The following ABCA3 variants were observed in gnomAD, a reference collection of about 807,000 sequenced individuals.
The protein encoded by ABCA3 is phospholipid-transporting ATPase ABCA3.
A neutral mutation model predicts 172.8 loss-of-function variants in ABCA3; 88 were observed. The observed-to-expected ratio is 0.51, with a 90% CI of 0.43 to 0.61. ABCA3 has a LOEUF of 0.61. ABCA3 is among the 20% of genes least tolerant of loss of function. ABCA3 has a pLI of 0.00. For synonymous variants in ABCA3, 1,066 were observed against 983.8 expected, an observed-to-expected ratio of 1.08 and a Z score of -1.56; for missense variants, 2,164 against 2,301.0, an observed-to-expected ratio of 0.94 and a Z score of 1.22.
rs962819009 is a variant in ABCA3, at chr16:2,329,715, A to C, written c.-399T>G. 1 of 152,480 alleles carries C rather than the reference A, an allele frequency of 6.6e-6. No individual in the cohort carries two copies. Among genetic ancestry groups the C allele is most frequent in the Non-Finnish European group, 1.5e-5 (1 of 68,314 alleles). 9.4% of individuals were successfully genotyped at this position (152,480 alleles called of 1,614,324 possible). A position where few individuals can be genotyped will look rare whatever the true frequency, so the allele number is the denominator to read the frequency against. ...GACTACTGGGGAACTGGCCAGGAGG[A>C]GGCGGCTCCGCACAGAGGGCTCCGG... is the stretch of plus-strand genomic sequence containing the variant. On this transcript the variant is annotated 5_prime_UTR_variant, in exon 2 of 33. Transcript: ENST00000301732.
At chr16:2,314,804 G>A (rs561694342) in intron 10 of ABCA3, among the ~76,000 whole-genome samples, 16 of 150,706 alleles carry the variant, frequency 1.1e-4, no homozygotes, top group South Asian at 2.1e-4. Context: ...TCGAACTCCC[G>A]ACCTCAGATG....
At position 2,323,587 on chromosome 16, in the gene ABCA3, G is replaced by A; in HGVS notation, c.549C>T (p.Ser183=). Residue 183 remains serine (S), a synonymous_variant, in exon 7 of 33, where the codon TCC becomes TCT. Coordinates refer to ENST00000301732, the MANE Select transcript of ABCA3 (RefSeq NM_001089.3). ...LKETEGWHTT[S]LFPLFPNPGP... is the part of the protein sequence containing the mutation. ...CTGGGTTTGGGAAAAGCGGGAAAAG[G>A]GAAGTAGTGTGCCAGCCTTCTGTCT... The A allele has an allele frequency of 6.2e-7, 1 of 1,614,166 alleles. No individual in the cohort carries two copies. The highest frequency in any genetic ancestry group is 8.5e-7 in the Non-Finnish European group (1 of 1,180,026).
Position 2,308,615 on chromosome 16 carries a change from C to A in ABCA3, c.1120G>T (p.Ala374Ser). 1 of 1,613,980 alleles carries A rather than the reference C, an allele frequency of 6.2e-7. No homozygotes were observed. Among genetic ancestry groups the A allele is most frequent in the Non-Finnish European group, 8.5e-7 (1 of 1,179,912 alleles). ...TAGAGGAAGCCTCCGAAGGCTGCTG[C>A]CATGTTGGCTGCAGGTGTTGGAAGA... The part of the protein sequence containing the change: ...VSTFFSKANM[A>S]AAFGGFLYFF... The change falls in exon 11 of 33, where the codon GCA (alanine) becomes TCA (serine). Residue 374 changes from alanine (A) to serine (S), a missense_variant. This residue lies in a region of ABCA3 where 1,343 missense variants were observed against 1,369.6 expected (regional missense o/e 0.98). Transcript: ENST00000301732.
intron 20 of ABCA3, 35 bp downstream of exon 20, chr16:2,289,399 T>TCCCCCCCCCCCC: frequency 1.6e-5 from 24 of 1,544,288 alleles, no homozygotes; most frequent in Admixed American, 1.9e-5. Context: ...TGCTCGCCCT[T>TCCCCCCCCCCCC]CCCCCGCCAC....
chr16:2,297,248 GC>G lies in ABCA3; in HGVS notation c.2263+80del. 1 of 1,487,786 alleles carries G rather than the reference GC, an allele frequency of 6.7e-7. No homozygotes were observed. Among genetic ancestry groups the G allele is most frequent in the Non-Finnish European group, 9.2e-7 (1 of 1,085,984 alleles). 92.2% of individuals were successfully genotyped at this position (1,487,786 alleles called of 1,614,324 possible). On this transcript the variant is annotated intron_variant, in intron 17 of 32. Transcript: ENST00000301732. The surrounding 1 kb of genome is among the most constrained non-coding windows in gnomAD (Gnocchi z 5.6). ...AAGGCCACCCCTGCCTGATCTGAGG[GC>G]CCTTCATGAAGGTAGCAGCCATTCC...
At chr16:2,303,526 T>TC (rs1428151476) in intron 12 of ABCA3, among the ~76,000 whole-genome samples, 5 of 152,028 alleles carry the variant, frequency 3.3e-5, no homozygotes, top group African/African-American at 1.2e-4. Context: ...CACCTTGGCC[T>TC]CCCAAAGAGC....
intron 10 of ABCA3, among the ~76,000 whole-genome samples, chr16:2,310,790 G>A (rs918529948): frequency 6.6e-6 from 1 of 151,952 alleles, no homozygotes; most frequent in East Asian, 1.9e-4. Flanking sequence ...CAAAGTGCTG[G>A]GATTAGAGAT....
chr16:2,290,204 TCACTGGATTCTCCCA>T (rs2093669903), intron 19 of ABCA3, among the ~76,000 whole-genome samples: 1 of 152,150 alleles, frequency 6.6e-6, no homozygotes, highest in Admixed American at 6.6e-5. Flanking sequence ...CCCTTCTCCC[TCACTGGATTCTCCCA>T]GTCCCACTCA....
chr16:2,285,653 G>T lies in ABCA3; in HGVS notation c.3279-7C>A. 3.2e-6 allele frequency: 5 copies of T among 1,551,720 alleles called. No homozygotes were observed. The highest frequency in any genetic ancestry group is 4.4e-6 in the Non-Finnish European group (5 of 1,147,124). On this transcript the variant is annotated splice_polypyrimidine_tract_variant and splice_region_variant and intron_variant, in intron 22 of 32. Coordinates refer to ENST00000301732, the MANE Select transcript of ABCA3 (RefSeq NM_001089.3). The surrounding 1 kb of genome is among the most constrained non-coding windows in gnomAD (Gnocchi z 4.7). ...GTCGAATCCCTTCCGGCCCCTGCGG[G>T]GGACAGAGAAGGTCAGGGACGGAGC...
chr16:2,336,137 C>G (rs1252463109), intron 1 of ABCA3, among the ~76,000 whole-genome samples: 1 of 152,134 alleles, frequency 6.6e-6, no homozygotes, highest in African/African-American at 2.4e-5. Flanking sequence ...TTTGTGAAAA[C>G]AGACGTTTGA....
intron 1 of ABCA3, among the ~76,000 whole-genome samples, chr16:2,335,131 A>C (rs997909539): frequency 6.6e-6 from 1 of 151,960 alleles, no homozygotes; most frequent in Admixed American, 6.6e-5. Context: ...GCCCGGCCCT[A>C]AATATTATTA....
intron 12 of ABCA3, among the ~76,000 whole-genome samples, chr16:2,303,264 C>A (rs1044062244): frequency 7.1e-6 from 1 of 139,964 alleles, no homozygotes; most frequent in Non-Finnish European, 1.6e-5. Flanking sequence ...TTTTTTCTCT[C>A]TTTTTTTTTT....
chr16:2,322,602 T>C (rs1450268703), intron 7 of ABCA3, among the ~76,000 whole-genome samples: 6 of 143,380 alleles, frequency 4.2e-5, no homozygotes, highest in South Asian at 4.4e-4. Flanking sequence ...GCTAGCCATA[T>C]GTAGAAAGCT....
chr16:2,307,751 G>A (rs944230944), intron 11 of ABCA3, among the ~76,000 whole-genome samples: 8 of 152,036 alleles, frequency 5.3e-5, no homozygotes, highest in Admixed American at 3.3e-4. Flanking sequence ...GACTACAGGC[G>A]CCTGCCACCA....
chr16:2,317,444 G>C lies in ABCA3; in HGVS notation c.991-41C>G, dbSNP rs45509594. The C allele has an allele frequency of 6.2e-3, 10,056 of 1,611,264 alleles. 517 individuals carry two copies. In the African/African-American group the frequency reaches 0.11, roughly 18 times the overall value. ...ATGAGTCGGGCGTGGTGGGCCGGCA[G>C]AGGTGGACCAGGAGGACTCCTGACC... On this transcript the variant is annotated intron_variant, in intron 9 of 32. Coordinates refer to ENST00000301732, the MANE Select transcript of ABCA3 (RefSeq NM_001089.3).
At chr16:2,290,644 G>C (rs748050574) in intron 19 of ABCA3, among the ~76,000 whole-genome samples, 3 of 152,188 alleles carry the variant, frequency 2.0e-5, no homozygotes, top group Non-Finnish European at 4.4e-5. Context: ...AGGATTCACA[G>C]AATCAGTCAG....
chr16:2,339,338 C>T (rs1222073645), intron 1 of ABCA3: 1 of 152,182 alleles, frequency 6.6e-6, no homozygotes, highest in African/African-American at 2.4e-5. Flanking sequence ...GGTGGTAAGT[C>T]ACTTTAGGAA....
rs1337832746 is a variant in ABCA3 at position 2,286,548 on chromosome 16, A to G, written c.3278+146T>C. On this transcript the variant is annotated intron_variant, in intron 22 of 32. Transcript: ENST00000301732. The surrounding 1 kb of genome is among the most constrained non-coding windows in gnomAD (Gnocchi z 5.2). ...AGGGAGTTGGGGCTGTGGATGGTGG[A>G]GGAGGATGTGGCAGGGGTTTCCCAC... 9.3e-7 allele frequency: 1 copy of G among 1,074,162 alleles called. No homozygotes were observed. Among genetic ancestry groups the G allele is most frequent in the South Asian group, 1.5e-5 (1 of 65,562 alleles). 66.5% of individuals were successfully genotyped at this position (1,074,162 alleles called of 1,614,324 possible).
chr16:2,310,016 T>C (rs1243103452), intron 10 of ABCA3, among the ~76,000 whole-genome samples: 1 of 152,200 alleles, frequency 6.6e-6, no homozygotes, highest in African/African-American at 2.4e-5. Flanking sequence ...TATATCCATA[T>C]TTATTCTGTG....
Sources: gnomAD v4.1 joint callset for allele counts (sites outside exome capture counted in the v4.1 genomes callset) on GRCh38, gnomAD v4.1.1 for gene constraint, gnomAD v4.1.1 regional missense constraint, Gnocchi (gnomAD v3.1) non-coding constraint, MANE v1.5 for transcripts, NCBI Gene and HGNC (gene_info 2026-07-23, HGNC 2026-07-21) for gene names.